Variants in COL13A1 observed in about 807,000 individuals in gnomAD.
COL13A1 encodes the protein collagen alpha-1(XIII) chain.
A neutral mutation model predicts 130.9 loss-of-function variants in COL13A1; 89 were observed. That is an observed-to-expected ratio of 0.68 (90% CI 0.57 to 0.81). The LOEUF (loss-of-function observed/expected upper bound fraction) is 0.81. COL13A1 is among the 30% of genes least tolerant of loss of function. The probability of loss-of-function intolerance (pLI) is 0.00; values close to 1 mark genes in which losing one functional copy is unlikely to be tolerated. For missense variants in COL13A1, 879 were observed against 934.6 expected (o/e 0.94, Z 0.78); for synonymous variants, 402 against 341.6 (o/e 1.18, Z -1.95).
intron 2 of COL13A1, among the ~76,000 whole-genome samples, chr10:69,852,933 C>T (rs1159402212): frequency 6.6e-6 from 1 of 152,228 alleles, no homozygotes; most frequent in Admixed American, 6.5e-5. Context: ...ACCACCCAGA[C>T]TTTTTGTCTG....
intron 17 of COL13A1, 45 bp downstream of exon 17, chr10:69,905,867 A>T (rs1181259763): frequency 1.2e-6 from 2 of 1,605,836 alleles, no homozygotes; most frequent in Admixed American, 1.7e-5. Flanking sequence ...ACTTTGGACA[A>T]ATCAGTGGCC....
intron 2 of COL13A1, among the ~76,000 whole-genome samples, chr10:69,826,499 C>T (rs1253568214): frequency 6.6e-6 from 1 of 152,172 alleles, no homozygotes; most frequent in Non-Finnish European, 1.5e-5. Context: ...GCGGAGAAGT[C>T]GCCTTCAGCC....
chr10:69,956,970 A>G (rs759124574), intron 39 of COL13A1, 34 bp from the exon 40 acceptor site: 4 of 1,603,022 alleles, frequency 2.5e-6, no homozygotes, highest in Non-Finnish European at 3.4e-6. Flanking sequence ...CATTGCAGGA[A>G]GTCTGAGCCC....
chr10:69,863,852 A>T (rs1858975650), intron 2 of COL13A1, among the ~76,000 whole-genome samples: 1 of 152,186 alleles, frequency 6.6e-6, no homozygotes, highest in Admixed American at 6.5e-5. Flanking sequence ...CGAGGCAGGC[A>T]GATAGCTTGA....
chr10:69,867,336 C>T (rs1451851509), intron 2 of COL13A1, among the ~76,000 whole-genome samples: 5 of 152,258 alleles, frequency 3.3e-5, no homozygotes, highest in African/African-American at 9.6e-5. Flanking sequence ...CATCCACGCC[C>T]GCCCCTGCCT....
intron 1 of COL13A1, among the ~76,000 whole-genome samples, chr10:69,818,847 T>G (rs977297880): frequency 2.0e-5 from 3 of 152,260 alleles, no homozygotes; most frequent in African/African-American, 7.2e-5. Context: ...TGTTCTTTCC[T>G]GAGTCTACTA....
chr10:69,895,913 C>T (rs2061589444), intron 13 of COL13A1, among the ~76,000 whole-genome samples: 1 of 152,188 alleles, frequency 6.6e-6, no homozygotes, highest in South Asian at 2.1e-4. Flanking sequence ...CACATGGCCC[C>T]CTGTGGCAGC....
intron 17 of COL13A1, among the ~76,000 whole-genome samples, chr10:69,911,062 A>T (rs2063324184): frequency 6.6e-6 from 1 of 152,170 alleles, no homozygotes. Flanking sequence ...GGCTCCCCAG[A>T]AACAGGAATG....
At chr10:69,935,676 C>A (rs1482850078) in intron 32 of COL13A1, among the ~76,000 whole-genome samples, 1 of 152,172 alleles carries the variant, frequency 6.6e-6, no homozygotes, top group Non-Finnish European at 1.5e-5. Flanking sequence ...TCACCCTTTG[C>A]CATCAAACAT....
At chr10:69,817,778 T>G (rs1056273717) in intron 1 of COL13A1, among the ~76,000 whole-genome samples, 17 of 151,768 alleles carry the variant, frequency 1.1e-4, no homozygotes, top group Non-Finnish European at 2.1e-4. Flanking sequence ...CAGTAAAAAG[T>G]TGGTAGGACC....
intron 17 of COL13A1, among the ~76,000 whole-genome samples, chr10:69,911,545 C>A (rs1274331804): frequency 6.6e-6 from 1 of 152,242 alleles, no homozygotes; most frequent in Non-Finnish European, 1.5e-5. Flanking sequence ...CTATCTGCCT[C>A]TTAGCAGCCC....
At chr10:69,907,911 C>A (rs2062955896) in intron 17 of COL13A1, among the ~76,000 whole-genome samples, 1 of 152,230 alleles carries the variant, frequency 6.6e-6, no homozygotes, top group African/African-American at 2.4e-5. Context: ...CTTAAAGGTC[C>A]CACCTCTCAA....
In COL13A1 at chr10:69,917,337, C is replaced by T. The variant is rs532269325; in HGVS notation, c.966+4C>T. The T allele has an allele frequency of 1.5e-5, 24 of 1,613,006 alleles. No individual in the cohort carries two copies. In the East Asian group the frequency reaches 4.9e-4, roughly 33 times the overall value. On this transcript the variant is annotated splice_donor_region_variant and intron_variant, in intron 18 of 40. Coordinates refer to ENST00000645393, the MANE Select transcript of COL13A1 (RefSeq NM_001368882.1). ...GCCAGGCAAGCATGGAGCCAAGGTACCTCCCCCTTCCCCACATCCCAGGCA... is the reference window on the plus strand; with the variant it reads ...GCCAGGCAAGCATGGAGCCAAGGTATCTCCCCCTTCCCCACATCCCAGGCA...
At chr10:69,870,287 T>G (rs1213699192) in intron 3 of COL13A1, among the ~76,000 whole-genome samples, 1 of 151,832 alleles carries the variant, frequency 6.6e-6, no homozygotes, top group Admixed American at 6.6e-5. Flanking sequence ...TTTTTTTTCT[T>G]TTTTAGAAAA....
At chr10:69,864,932 G>A (rs1390148605) in intron 2 of COL13A1, among the ~76,000 whole-genome samples, 1 of 152,194 alleles carries the variant, frequency 6.6e-6, no homozygotes, top group Non-Finnish European at 1.5e-5. Context: ...AGGGGGCTGG[G>A]ACAATCTTCA....
intron 7 of COL13A1, among the ~76,000 whole-genome samples, chr10:69,886,443 G>T (rs1031081329): frequency 2.6e-5 from 4 of 152,178 alleles, no homozygotes; most frequent in Non-Finnish European, 4.4e-5. Context: ...AGAGATTCTG[G>T]CTGTGTCAGC....
At chr10:69,949,930 T>TTGTGTGTG (rs375171960) in intron 38 of COL13A1, among the ~76,000 whole-genome samples, 24 of 86,864 alleles carry the variant, frequency 2.8e-4, no homozygotes, top group Non-Finnish European at 5.0e-5. Flanking sequence ...GCACGCATGT[T>TTGTGTGTG]TGTGTGTGTG....
intron 2 of COL13A1, among the ~76,000 whole-genome samples, chr10:69,862,939 C>T (rs547849466): frequency 3.9e-5 from 6 of 152,234 alleles, no homozygotes; most frequent in African/African-American, 1.4e-4. Flanking sequence ...ACTATTTGTC[C>T]GAATGAGGTC....
At chr10:69,941,854 G>A (rs907127457) in intron 35 of COL13A1, among the ~76,000 whole-genome samples, 6 of 152,104 alleles carry the variant, frequency 3.9e-5, no homozygotes, top group South Asian at 4.1e-4. Flanking sequence ...GAGCTCACTC[G>A]CCCTCAAGTC....
Sources: gnomAD v4.1 joint callset for allele counts (sites outside exome capture counted in the v4.1 genomes callset) on GRCh38, gnomAD v4.1.1 for gene constraint, MANE v1.5 for transcripts, NCBI Gene and HGNC (gene_info 2026-07-23, HGNC 2026-07-21) for gene names.